RBFOX1: variants seen among roughly 807,000 people sequenced by gnomAD.
RBFOX1 encodes the protein RNA binding protein fox-1 homolog 1.
Under a neutral mutation model 57.7 loss-of-function variants are expected in RBFOX1, and 8 were observed. The ratio of observed to expected loss-of-function variants is 0.14; its 90% CI spans 0.08 to 0.25. The LOEUF is 0.25. RBFOX1 is among the 10% of genes least tolerant of loss of function. The probability of loss-of-function intolerance (pLI) is 1.00; values close to 1 mark genes in which losing one functional copy is unlikely to be tolerated. For synonymous variants in RBFOX1, 326 were observed against 222.4 expected (o/e 1.47, Z -4.15); for missense variants, 611 against 548.5 (o/e 1.11, Z -1.14).
At chr16:6,880,105 A>T (rs2062627650) in intron 3 of RBFOX1, among the ~76,000 whole-genome samples, 1 of 152,056 alleles carries the variant, frequency 6.6e-6, no homozygotes, top group Non-Finnish European at 1.5e-5. Flanking sequence ...GAGTCCCCTG[A>T]CCTTTCGAGT....
intron 4 of RBFOX1, among the ~76,000 whole-genome samples, chr16:7,390,076 A>G (rs184998760): frequency 6.6e-6 from 1 of 152,304 alleles, no homozygotes; most frequent in East Asian, 1.9e-4. Flanking sequence ...CATGGCCAGC[A>G]GGAGAGAGGA....
chr16:7,700,737 G>T lies in RBFOX1; in HGVS notation c.996-8319G>T, dbSNP rs1227825525. Among the ~76,000 whole-genome samples, 4 of 152,126 alleles carry T rather than the reference G, an allele frequency of 2.6e-5. No individual in the cohort carries two copies. In the South Asian group the frequency reaches 6.2e-4, roughly 24 times the overall value. ...AGGAGAATTTCATCACCAAAAGTGG[G>T]ACTTACTTACTGTGTCTTCTCTACT... On this transcript the variant is annotated intron_variant, in intron 14 of 15. Coordinates refer to ENST00000550418, the MANE Select transcript of RBFOX1 (RefSeq NM_018723.4).
chr16:6,840,881 C>G (rs868730201), intron 3 of RBFOX1, among the ~76,000 whole-genome samples: 1 of 60,212 alleles, frequency 1.7e-5, no homozygotes. Flanking sequence ...AAGTGAGACT[C>G]TGTCTCAAAA....
chr16:6,596,827 T>C (rs1481948606), intron 2 of RBFOX1, among the ~76,000 whole-genome samples: 11 of 152,160 alleles, frequency 7.2e-5, no homozygotes, highest in Admixed American at 3.3e-4. Context: ...GCATTTACAA[T>C]TGAGAACAGC....
intron 4 of RBFOX1, among the ~76,000 whole-genome samples, chr16:7,244,069 T>C (rs1320425550): frequency 6.6e-6 from 1 of 152,068 alleles, no homozygotes; most frequent in Non-Finnish European, 1.5e-5. Context: ...AAGATAATCA[T>C]TATGTAATAA....
At chr16:7,619,864 TCA>T (rs1250972784) in intron 10 of RBFOX1, among the ~76,000 whole-genome samples, 1 of 152,172 alleles carries the variant, frequency 6.6e-6, no homozygotes, top group African/African-American at 2.4e-5. Context: ...GAGCTGTGTC[TCA>T]ATTATAGCAA....
intron 1 of RBFOX1, among the ~76,000 whole-genome samples, chr16:5,373,558 G>A (rs548446521): frequency 1.8e-4 from 28 of 151,468 alleles, no homozygotes; most frequent in African/African-American, 5.8e-4. Context: ...CTCCTCAGCC[G>A]TACTTCCTGT....
chr16:6,027,163 G>C (rs77831711), intron 1 of RBFOX1, among the ~76,000 whole-genome samples: 1 of 152,128 alleles, frequency 6.6e-6, no homozygotes, highest in African/African-American at 2.4e-5. Context: ...TTGTACCATG[G>C]TTGGGACCCT....
At chr16:6,871,308 C>A (rs1337411554) in intron 3 of RBFOX1, among the ~76,000 whole-genome samples, 4 of 152,140 alleles carry the variant, frequency 2.6e-5, no homozygotes, top group Admixed American at 2.6e-4. Context: ...GCATCAACTT[C>A]CTGAGTAGCT....
chr16:6,806,836 A>ATTTTT (rs1555488600), intron 3 of RBFOX1, among the ~76,000 whole-genome samples: 10 of 91,860 alleles, frequency 1.1e-4, no homozygotes, highest in Admixed American at 7.7e-4. Flanking sequence ...ATATATATAT[A>ATTTTT]TTTTTTTTTT....
chr16:6,256,291 ATATATATG>A (rs1276572902), intron 1 of RBFOX1, among the ~76,000 whole-genome samples: 2 of 120,280 alleles, frequency 1.7e-5, no homozygotes, highest in African/African-American at 4.3e-5. Flanking sequence ...ATGTGTGTAT[ATATATATG>A]TATATATATA....
At chr16:5,473,396 C>T (rs1056669248) in intron 2 of RBFOX1, among the ~76,000 whole-genome samples, 1 of 151,610 alleles carries the variant, frequency 6.6e-6, no homozygotes, top group East Asian at 1.9e-4. Context: ...TCTGTACTTA[C>T]CCTGTTTTTT....
intron 3 of RBFOX1, among the ~76,000 whole-genome samples, chr16:6,663,092 G>C (rs1274356245): frequency 6.6e-6 from 1 of 152,180 alleles, no homozygotes; most frequent in Admixed American, 6.5e-5. Flanking sequence ...AGTGGGCAGG[G>C]ATGGATACAG....
chr16:6,041,276 A>G (rs570481039), intron 1 of RBFOX1, among the ~76,000 whole-genome samples: 1 of 152,242 alleles, frequency 6.6e-6, no homozygotes, highest in Admixed American at 6.5e-5. Flanking sequence ...TCTGTTTGTT[A>G]GAAGCAATTT....
intron 1 of RBFOX1, among the ~76,000 whole-genome samples, chr16:5,320,737 GT>G (rs1272405532): frequency 2.0e-5 from 3 of 152,322 alleles, no homozygotes; most frequent in Non-Finnish European, 2.9e-5. Flanking sequence ...CTGCAGTAGG[GT>G]TTCCTGGCCA....
At chr16:6,953,430 A>T (rs529460415) in intron 3 of RBFOX1, among the ~76,000 whole-genome samples, 1 of 152,006 alleles carries the variant, frequency 6.6e-6, no homozygotes, top group African/African-American at 2.4e-5. Flanking sequence ...TTTGTCGCCA[A>T]TGCTGGGTAC....
At chr16:7,671,447 G>A (rs1597734333) in intron 13 of RBFOX1, 2 of 1,042,162 alleles carry the variant, frequency 1.9e-6, no homozygotes, top group South Asian at 2.9e-5. Context: ...GGTGAAGTAA[G>A]AGAGAAGCAA....
chr16:7,410,892 A>T (rs1258616578), intron 4 of RBFOX1, among the ~76,000 whole-genome samples: 2 of 151,102 alleles, frequency 1.3e-5, no homozygotes, highest in African/African-American at 4.9e-5. Context: ...TGTGGGGAGT[A>T]CTAATAAGTT....
intron 3 of RBFOX1, among the ~76,000 whole-genome samples, chr16:5,716,805 T>A (rs1217309329): frequency 2.0e-5 from 3 of 152,146 alleles, no homozygotes; most frequent in African/African-American, 7.2e-5. Flanking sequence ...TCAAGGAAGC[T>A]CAGCGACTTG....
Sources: gnomAD v4.1 joint callset for allele counts (sites outside exome capture counted in the v4.1 genomes callset) on GRCh38, gnomAD v4.1.1 for gene constraint, MANE v1.5 for transcripts, NCBI Gene and HGNC (gene_info 2026-07-23, HGNC 2026-07-21) for gene names.